Variants in FBXL20 observed in about 807,000 individuals in gnomAD.
FBXL20 encodes F-box/LRR-repeat protein 20.
In FBXL20, 11 loss-of-function variants were observed where a neutral mutation model predicts 64.0. That is an observed-to-expected ratio of 0.17 (90% CI 0.11 to 0.28). The LOEUF is 0.28. FBXL20 is among the 10% of genes least tolerant of loss of function. The pLI is 1.00. For missense variants in FBXL20, 303 were observed against 526.2 expected (o/e 0.58, Z 4.15); for synonymous variants, 184 against 189.0 (o/e 0.97, Z 0.22).
rs531051554 is a variant in FBXL20, at chr17:39,277,437, T to C, written c.697-2337A>G. 2.0e-5 allele frequency among the ~76,000 whole-genome samples: 3 copies of C among 152,206 alleles called. No individual in the cohort carries two copies. In the East Asian group the frequency reaches 5.8e-4, roughly 29 times the overall value. On this transcript the variant is annotated intron_variant, in intron 9 of 14. Transcript: ENST00000264658. ...ATAAGAGAGTACTGAGGAAGAAAGA[T>C]GAGTTAAGTCATACTGTCAGTACTT...
upstream of FBXL20, chr17:39,401,961 A>T: frequency 2.2e-6 from 1 of 445,582 alleles, no homozygotes; most frequent in Non-Finnish European, 3.7e-6. Flanking sequence ...CGGACCAGCG[A>T]GGGAGAGTAG....
At chr17:39,327,404 A>G (rs1472197738) in intron 2 of FBXL20, among the ~76,000 whole-genome samples, 2 of 152,200 alleles carry the variant, frequency 1.3e-5, no homozygotes, top group African/African-American at 2.4e-5. Flanking sequence ...TTATGGAGTT[A>G]TATTTCTTCC....
chr17:39,298,947 C>A, intron 5 of FBXL20, 43 bp downstream of exon 5: 1 of 1,515,200 alleles, frequency 6.6e-7, no homozygotes, highest in South Asian at 1.1e-5. Flanking sequence ...TGGTGCTGCT[C>A]TTCACTTCCA....
At chr17:39,326,410 A>T (rs2047409163) in intron 2 of FBXL20, among the ~76,000 whole-genome samples, 1 of 151,994 alleles carries the variant, frequency 6.6e-6, no homozygotes, top group Non-Finnish European at 1.5e-5. Flanking sequence ...CTGTAATCCC[A>T]GGCGTTCCAA....
intron 11 of FBXL20, among the ~76,000 whole-genome samples, chr17:39,270,530 C>T (rs368777344): frequency 1.1e-4 from 17 of 151,894 alleles, no homozygotes; most frequent in Admixed American, 7.2e-4. Context: ...GGTGACAGAG[C>T]GAGACCCCAT....
At chr17:39,374,912 G>A (rs1045580966) in intron 1 of FBXL20, among the ~76,000 whole-genome samples, 1 of 151,930 alleles carries the variant, frequency 6.6e-6, no homozygotes, top group Non-Finnish European at 1.5e-5. Context: ...TCAGCCTCCC[G>A]AGCAGCCGGG....
intron 2 of FBXL20, among the ~76,000 whole-genome samples, chr17:39,331,054 CA>C (rs1362683951): frequency 6.6e-6 from 1 of 152,232 alleles, no homozygotes; most frequent in Non-Finnish European, 1.5e-5. Context: ...CTCAACACAA[CA>C]ATCTCTCTCA....
chr17:39,357,127 G>C (rs1227490730), intron 1 of FBXL20, among the ~76,000 whole-genome samples: 2 of 151,768 alleles, frequency 1.3e-5, no homozygotes, highest in East Asian at 2.0e-4. Flanking sequence ...TACAAAATTA[G>C]CCGGGCGTGG....
intron 2 of FBXL20, among the ~76,000 whole-genome samples, chr17:39,337,738 G>A (rs1051759186): frequency 5.9e-5 from 9 of 151,734 alleles, no homozygotes; most frequent in Non-Finnish European, 7.4e-5. Context: ...AGGGAGGAGC[G>A]TCTCCGACGG....
Position 39,254,539 on chromosome 17 carries a change from T to C in FBXL20, c.*6921A>G, listed in dbSNP as rs868274070. On this transcript the variant is annotated 3_prime_UTR_variant, in exon 15 of 15. Transcript: ENST00000264658. ...TACCAAAACCATGCCCAGATGCAGC[T>C]GGGGTGCACTTGTGGTTCTTTCGGT... 1 of 154,614 alleles carries C rather than the reference T, an allele frequency of 6.5e-6. No homozygotes were observed. The highest frequency in any genetic ancestry group is 5.2e-4 in the Middle Eastern group (1 of 1,926). The allele number at this position is 154,614 out of a possible 1,614,324, so 9.6% of individuals were successfully genotyped here.
At chr17:39,400,683 AGAG>A (rs1481306169) in intron 1 of FBXL20, among the ~76,000 whole-genome samples, 8 of 152,224 alleles carry the variant, frequency 5.3e-5, no homozygotes, top group Non-Finnish European at 8.8e-5. Context: ...CTCCCTCGCT[AGAG>A]GAGAAAAAGT....
chr17:39,268,973 T>C (rs1164566809), intron 11 of FBXL20, 102 bp from the exon 12 acceptor site: 5 of 1,078,464 alleles, frequency 4.6e-6, no homozygotes, highest in Middle Eastern at 2.6e-4. Flanking sequence ...AATACGTTGA[T>C]AAATTCTTTG....
In FBXL20 at chr17:39,257,811, TG is replaced by T. The variant is rs2046708591; in HGVS notation, c.*3648del. ...ATCAGCAGCATTACTGAGGGTGAGA[TG>T]GAGGCTTTAAATAGAGGGAAAGGAT... On this transcript the variant is annotated 3_prime_UTR_variant, in exon 15 of 15. Transcript: ENST00000264658. 6.6e-6 allele frequency: 1 copy of T among 152,568 alleles called. No homozygotes were observed. The highest frequency in any genetic ancestry group is 1.5e-5 in the Non-Finnish European group (1 of 68,044). 9.5% of individuals were successfully genotyped at this position (152,568 alleles called of 1,614,324 possible). A position where few individuals can be genotyped will look rare whatever the true frequency, so the allele number is the denominator to read the frequency against.
At chr17:39,385,365 A>C (rs537443213) in intron 1 of FBXL20, among the ~76,000 whole-genome samples, 1 of 152,314 alleles carries the variant, frequency 6.6e-6, no homozygotes, top group East Asian at 1.9e-4. Flanking sequence ...CTGGGGAATG[A>C]GGTGGGGAGA....
intron 6 of FBXL20, among the ~76,000 whole-genome samples, chr17:39,287,252 TATC>T (rs910038927): frequency 3.3e-5 from 5 of 152,106 alleles, no homozygotes; most frequent in Non-Finnish European, 7.4e-5. Flanking sequence ...AATTTATTAA[TATC>T]ATCTGATACT....
At chr17:39,344,978 C>G (rs2047618935) in intron 1 of FBXL20, among the ~76,000 whole-genome samples, 1 of 152,020 alleles carries the variant, frequency 6.6e-6, no homozygotes, top group Non-Finnish European at 1.5e-5. Context: ...ACCATTTTTG[C>G]CACAAAGGAG....
rs369328569 is a variant in FBXL20 at position 39,305,679 on chromosome 17, G to A, written c.105-2040C>T. 8.0e-4 allele frequency among the ~76,000 whole-genome samples: 122 copies of A among 152,192 alleles called. 1 individual carries two copies. Among genetic ancestry groups the A allele is most frequent in the African/African-American group, 2.9e-3 (119 of 41,530 alleles). On this transcript the variant is annotated intron_variant, in intron 2 of 14. Coordinates refer to ENST00000264658, the MANE Select transcript of FBXL20 (RefSeq NM_032875.3). Reference sequence around the variant, plus strand: ...AGCCTGGAAAATACAGTGAGACCCTGTCTCTACAAAAATTTTAAAAATTAA... The same window carrying A: ...AGCCTGGAAAATACAGTGAGACCCTATCTCTACAAAAATTTTAAAAATTAA...
chr17:39,355,570 C>G (rs1330270081), intron 1 of FBXL20, among the ~76,000 whole-genome samples: 1 of 151,786 alleles, frequency 6.6e-6, no homozygotes, highest in East Asian at 1.9e-4. Context: ...TACAAGAACT[C>G]CTGGGCCGGG....
chr17:39,330,191 G>A (rs1462834384), intron 2 of FBXL20, among the ~76,000 whole-genome samples: 1 of 152,064 alleles, frequency 6.6e-6, no homozygotes, highest in Non-Finnish European at 1.5e-5. Context: ...CAGCTACTCA[G>A]GAGGCTGAGG....
Sources: allele counts gnomAD v4.1 joint callset (sites outside exome capture counted in the v4.1 genomes callset), GRCh38; gene constraint gnomAD v4.1.1; transcripts MANE v1.5; gene names NCBI Gene and HGNC (gene_info 2026-07-23, HGNC 2026-07-21).